Variants in LRP1B observed in about 807,000 individuals in gnomAD.
LRP1B encodes LDL receptor related protein 1B.
LRP1B carries 217 observed loss-of-function variants against 556.6 expected under a neutral mutation model. That is an observed-to-expected ratio of 0.39 (90% CI 0.35 to 0.44). The LOEUF (loss-of-function observed/expected upper bound fraction) is 0.44. Ranked by LOEUF, LRP1B falls within the 20% of genes least tolerant of loss-of-function variation. The pLI is 1.00. For synonymous variants in LRP1B, 2,047 were observed against 1,865.8 expected (o/e 1.10, Z -2.50); for missense variants, 5,053 against 5,620.8 (o/e 0.90, Z 3.23).
At chr2:141,082,009 A>T (rs1450393408) in intron 7 of LRP1B, among the ~76,000 whole-genome samples, 1 of 152,238 alleles carries the variant, frequency 6.6e-6, no homozygotes, top group Non-Finnish European at 1.5e-5. Flanking sequence ...TCTATATTAA[A>T]ATTACCTTTT....
chr2:140,847,596 A>T lies in LRP1B; in HGVS notation c.4939+2506T>A, dbSNP rs1295711702. Reference sequence around the variant, plus strand: ...AGCCTGGCCAATGTGGTGAAACCCCATCTCTACTAAAAACACAAAAATTAG... The same window carrying T: ...AGCCTGGCCAATGTGGTGAAACCCCTTCTCTACTAAAAACACAAAAATTAG... On this transcript the variant is annotated intron_variant, in intron 29 of 90. Coordinates refer to ENST00000389484, the MANE Select transcript of LRP1B (RefSeq NM_018557.3). Among the ~76,000 whole-genome samples the T allele has an allele frequency of 5.3e-5, 8 of 151,906 alleles. 1 individual carries two copies. The highest frequency in any genetic ancestry group is 2.6e-4 in the Admixed American group (4 of 15,246).
intron 86 of LRP1B, among the ~76,000 whole-genome samples, chr2:140,264,025 A>G (rs1682071829): frequency 6.6e-6 from 1 of 152,086 alleles, no homozygotes; most frequent in African/African-American, 2.4e-5. Context: ...GGATTGAGGC[A>G]TCAGCACATT....
At chr2:140,828,228 C>T (rs991616598) in intron 31 of LRP1B, among the ~76,000 whole-genome samples, 4 of 152,096 alleles carry the variant, frequency 2.6e-5, no homozygotes, top group South Asian at 2.1e-4. Flanking sequence ...TCATAATACT[C>T]CAAAAATAAG....
intron 18 of LRP1B, among the ~76,000 whole-genome samples, chr2:140,964,167 A>G (rs536380735): frequency 6.6e-6 from 1 of 152,140 alleles, no homozygotes; most frequent in Non-Finnish European, 1.5e-5. Flanking sequence ...AGAGAAAGAC[A>G]GCTTACGCCA....
chr2:140,994,505 G>T (rs1353143201), intron 15 of LRP1B, among the ~76,000 whole-genome samples: 1 of 151,506 alleles, frequency 6.6e-6, no homozygotes, highest in Admixed American at 6.6e-5. Context: ...GCGCAAAGTG[G>T]CAGATAGGTA....
At chr2:140,432,999 CTAAG>C (rs1290147515) in intron 66 of LRP1B, among the ~76,000 whole-genome samples, 11 of 152,178 alleles carry the variant, frequency 7.2e-5, no homozygotes, top group African/African-American at 2.2e-4. Flanking sequence ...ATATATGCTA[CTAAG>C]TGTTATGAGA....
chr2:141,567,215 C>A (rs1434916464), intron 2 of LRP1B, among the ~76,000 whole-genome samples: 1 of 152,026 alleles, frequency 6.6e-6, no homozygotes, highest in Non-Finnish European at 1.5e-5. Context: ...ACTTATAAGA[C>A]CATGTTTCTA....
intron 2 of LRP1B, among the ~76,000 whole-genome samples, chr2:141,535,101 A>G (rs1685025413): frequency 1.3e-5 from 2 of 152,062 alleles, no homozygotes; most frequent in East Asian, 1.9e-4. Flanking sequence ...TTGTGAGTCC[A>G]TCTTCTAACA....
At chr2:141,321,120 A>G (rs1477984451) in intron 3 of LRP1B, among the ~76,000 whole-genome samples, 1 of 152,144 alleles carries the variant, frequency 6.6e-6, no homozygotes, top group Non-Finnish European at 1.5e-5. Context: ...ATAATGTGGC[A>G]GGCTAGCATT....
At chr2:140,888,886 C>A (rs1693716487) in intron 23 of LRP1B, among the ~76,000 whole-genome samples, 1 of 149,482 alleles carries the variant, frequency 6.7e-6, no homozygotes, top group South Asian at 2.1e-4. Flanking sequence ...TCACTTGAAC[C>A]TGGGAGGCAG....
At chr2:140,769,069 G>T in intron 35 of LRP1B, 144 bp downstream of exon 35, 1 of 706,728 alleles carries the variant, frequency 1.4e-6, no homozygotes, top group Non-Finnish European at 2.2e-6. Context: ...AATAATTTAT[G>T]ATTGGCCTTA....
At chr2:141,688,968 T>C (rs1302089320) in intron 2 of LRP1B, among the ~76,000 whole-genome samples, 1 of 151,892 alleles carries the variant, frequency 6.6e-6, no homozygotes, top group Non-Finnish European at 1.5e-5. Context: ...CAATTCCTTG[T>C]CCTTTAACTG....
At chr2:140,999,239 A>G (rs1318932093) in intron 15 of LRP1B, among the ~76,000 whole-genome samples, 1 of 152,090 alleles carries the variant, frequency 6.6e-6, no homozygotes, top group Non-Finnish European at 1.5e-5. Context: ...TGCAGGCTAT[A>G]TTAGAAGATA....
At chr2:140,592,274 T>C (rs1225492711) in intron 43 of LRP1B, among the ~76,000 whole-genome samples, 1 of 152,182 alleles carries the variant, frequency 6.6e-6, no homozygotes, top group Non-Finnish European at 1.5e-5. Flanking sequence ...TTAAGAACCA[T>C]AATTGGCATT....
At chr2:140,534,169 CA>C (rs1199353503) in intron 46 of LRP1B, 29 bp from the exon 47 acceptor site, 1 of 1,587,910 alleles carries the variant, frequency 6.3e-7, no homozygotes. Flanking sequence ...AACACACAAC[CA>C]GAGATCATAT....
chr2:141,487,503 C>G (rs910587332), intron 2 of LRP1B, among the ~76,000 whole-genome samples: 1 of 152,172 alleles, frequency 6.6e-6, no homozygotes, highest in African/African-American at 2.4e-5. Flanking sequence ...CACGAATACT[C>G]TCAAAATTAT....
intron 49 of LRP1B, among the ~76,000 whole-genome samples, chr2:140,517,635 T>C (rs1475226672): frequency 2.0e-5 from 3 of 151,354 alleles, no homozygotes; most frequent in Non-Finnish European, 4.4e-5. Context: ...AAATTATATA[T>C]ATTTTTTAAA....
At chr2:140,432,721 A>G (rs1686005901) in intron 66 of LRP1B, among the ~76,000 whole-genome samples, 1 of 152,218 alleles carries the variant, frequency 6.6e-6, no homozygotes, top group Non-Finnish European at 1.5e-5. Context: ...CCCATCATCT[A>G]TGGACAATTT....
At chr2:141,205,388 A>G (rs767360678) in intron 6 of LRP1B, among the ~76,000 whole-genome samples, 13 of 152,216 alleles carry the variant, frequency 8.5e-5, no homozygotes, top group Non-Finnish European at 1.8e-4. Flanking sequence ...TCCCATGGAC[A>G]TAGGATAGAT....
Sources: gnomAD v4.1 joint callset for allele counts (sites outside exome capture counted in the v4.1 genomes callset) on GRCh38, gnomAD v4.1.1 for gene constraint, MANE v1.5 for transcripts, NCBI Gene and HGNC (gene_info 2026-07-23, HGNC 2026-07-21) for gene names.